U2AF2: variants seen among roughly 807,000 people sequenced by gnomAD.
U2AF2 encodes the protein splicing factor U2AF 65 kDa subunit.
Under a neutral mutation model 52.6 loss-of-function variants are expected in U2AF2, and 6 were observed. The ratio of observed to expected loss-of-function variants is 0.11; its 90% CI spans 0.06 to 0.23. U2AF2 has a LOEUF of 0.23. Among genes scored for constraint, U2AF2 ranks in the 10% least tolerant of loss-of-function variants. The probability of loss-of-function intolerance (pLI) is 1.00; values close to 1 mark genes in which losing one functional copy is unlikely to be tolerated. For synonymous variants in U2AF2, 284 were observed against 258.2 expected, an observed-to-expected ratio of 1.10 and a Z score of -0.96; for missense variants, 222 against 677.1, an observed-to-expected ratio of 0.33 and a Z score of 7.46.
At chr19:55,662,148 G>T in intron 5 of U2AF2, 1 of 195,876 alleles carries the variant, frequency 5.1e-6, no homozygotes, top group Non-Finnish European at 1.1e-5. Context: ...CATCTCTTGT[G>T]TTTCGTGTTT....
chr19:55,658,449 C>G (rs1264927395), intron 1 of U2AF2, among the ~76,000 whole-genome samples: 1 of 152,104 alleles, frequency 6.6e-6, no homozygotes, highest in African/African-American at 2.4e-5. Context: ...GTTGAGGGAG[C>G]CTGCTGGAGG....
In U2AF2 at chr19:55,669,665, C is replaced by T. The variant is rs61736527; in HGVS notation, c.1266C>T (p.Asp422=). The part of the protein sequence containing the change: ...VKSIEIPRPV[D]GVEVPGCGKI... ...CCATCGAGATCCCCCGGCCTGTGGA[C>T]GGCGTCGAGGTGCCCGGCTGCGGAA... Residue 422 remains aspartate, a synonymous_variant, in exon 11 of 12, where the codon GAC becomes GAT. Coordinates refer to ENST00000308924, the MANE Select transcript of U2AF2 (RefSeq NM_007279.3). The T allele has an allele frequency of 7.1e-3, 11,504 of 1,610,868 alleles. 713 individuals are homozygous for T. The African/African-American group carries it at 0.13, about 19-fold the overall frequency.
Position 55,668,601 on chromosome 19 carries a change from T to C in U2AF2, c.822+15T>C. On this transcript the variant is annotated intron_variant, in intron 8 of 11. Transcript: ENST00000308924. This position sits in a 1 kb window ranked among gnomAD's most constrained non-coding sequence, Gnocchi z 5.5. ...ACGATGACCAGGTAACTTCCCTGCC[T>C]CCCTCCAGACCCGTCCCCCCACCCC... 1 of 1,603,966 alleles carries C rather than the reference T, an allele frequency of 6.2e-7. No homozygotes were observed. The highest frequency in any genetic ancestry group is 1.1e-5 in the South Asian group (1 of 89,624).
chr19:55,669,916 T>C (rs932788169), intron 11 of U2AF2, among the ~76,000 whole-genome samples: 1 of 152,212 alleles, frequency 6.6e-6, no homozygotes, highest in African/African-American at 2.4e-5. Context: ...GAGGGGTTTG[T>C]GGCCCTGTGG....
chr19:55,656,474 C>T (rs1983803371), intron 1 of U2AF2, among the ~76,000 whole-genome samples: 1 of 151,966 alleles, frequency 6.6e-6, no homozygotes, highest in Admixed American at 6.5e-5. Flanking sequence ...CGTTTAGTAA[C>T]TGCTTTTAAT....
intron 7 of U2AF2, among the ~76,000 whole-genome samples, chr19:55,667,435 C>G (rs916865227): frequency 6.6e-6 from 1 of 152,096 alleles, no homozygotes; most frequent in Non-Finnish European, 1.5e-5. Flanking sequence ...TCTGACAGGA[C>G]GGCGTCAAGT....
intron 1 of U2AF2, among the ~76,000 whole-genome samples, chr19:55,657,774 G>C (rs144358779): frequency 6.6e-6 from 1 of 152,114 alleles, no homozygotes; most frequent in Non-Finnish European, 1.5e-5. Flanking sequence ...GTATGGCCTC[G>C]TGCTTAACTC....
At position 55,661,102 on chromosome 19, in the gene U2AF2, C is replaced by T. The variant is rs776054024; in HGVS notation, c.399C>T (p.Thr133=). 4 of 1,612,596 alleles carry T rather than the reference C, an allele frequency of 2.5e-6. No homozygotes were observed. Among genetic ancestry groups the T allele is most frequent in the East Asian group, 2.2e-5 (1 of 44,832 alleles). The change falls in exon 5 of 12, where the codon ACC becomes ACT. Residue 133 remains threonine (T), a synonymous_variant. Transcript: ENST00000308924. ...PTMTPDGLAV[T]PTPVPVVGSQ... ...TGACCCCTGACGGTCTGGCTGTGAC[C>T]CCAACGCCGGTGCCCGTGGTCGGGA...
In U2AF2 at chr19:55,655,156, G is replaced by A. The variant is rs776179350; in HGVS notation, c.49+3G>A. The A allele has an allele frequency of 6.2e-7, 1 of 1,602,954 alleles. No homozygotes were observed. The highest frequency in any genetic ancestry group is 1.1e-5 in the South Asian group (1 of 90,442). On this transcript the variant is annotated splice_donor_region_variant and intron_variant, in intron 1 of 11. Transcript: ENST00000308924. ...GCAGCTCAACGAGAATAAACAAGGT[G>A]AGGGCACCGGGGTCGCGGGGCGGAG...
intron 7 of U2AF2, among the ~76,000 whole-genome samples, chr19:55,666,905 C>G (rs1568553174): frequency 6.6e-6 from 1 of 152,200 alleles, no homozygotes; most frequent in South Asian, 2.1e-4. Flanking sequence ...TGGAGGCTGC[C>G]TTTTTCCTGC....
chr19:55,655,233 G>C, intron 1 of U2AF2, 80 bp downstream of exon 1: 1 of 1,493,900 alleles, frequency 6.7e-7, no homozygotes, highest in South Asian at 1.2e-5. Context: ...TTTCTCCCTC[G>C]CTTCCCCCCA....
At chr19:55,661,525 C>G (rs1404936899) in intron 5 of U2AF2, among the ~76,000 whole-genome samples, 2 of 141,850 alleles carry the variant, frequency 1.4e-5, no homozygotes, top group African/African-American at 5.3e-5. Flanking sequence ...CACACACACA[C>G]ACACACACAC....
chr19:55,660,138 C>T (rs1984074198), intron 2 of U2AF2, 39 bp from the exon 3 acceptor site: 3 of 1,584,656 alleles, frequency 1.9e-6, no homozygotes, highest in Admixed American at 1.8e-5. Context: ...CGAGGGTCCC[C>T]AGTCACCCCT....
intron 3 of U2AF2, 102 bp from the exon 4 acceptor site, chr19:55,660,414 G>A: frequency 9.0e-7 from 1 of 1,107,070 alleles, no homozygotes; most frequent in Non-Finnish European, 1.3e-6. Flanking sequence ...GAGCTTACAT[G>A]GTTGCGGGGA....
intron 1 of U2AF2, 108 bp downstream of exon 1, chr19:55,655,261 GC>G (rs1300798460): frequency 5.6e-6 from 7 of 1,261,260 alleles, no homozygotes; most frequent in South Asian, 1.3e-5. Flanking sequence ...GCCGCGCGGC[GC>G]CCCCCAACCC....
intron 11 of U2AF2, among the ~76,000 whole-genome samples, chr19:55,672,435 G>A (rs1984979181): frequency 6.6e-6 from 1 of 151,908 alleles, no homozygotes; most frequent in Non-Finnish European, 1.5e-5. Context: ...AACATTTTGG[G>A]TCAGATAACT....
At chr19:55,667,043 C>G (rs1016126198) in intron 7 of U2AF2, among the ~76,000 whole-genome samples, 13 of 152,134 alleles carry the variant, frequency 8.5e-5, no homozygotes, top group African/African-American at 3.1e-4. Context: ...GTTCCTGCTC[C>G]CGGGCTGCTG....
chr19:55,660,733 T>C, intron 4 of U2AF2, 114 bp downstream of exon 4: 1 of 1,055,506 alleles, frequency 9.5e-7, no homozygotes. Context: ...GGTAGAGGGT[T>C]GCACACCCCT....
In U2AF2 at chr19:55,655,087, C is replaced by A; in HGVS notation, c.-18C>A. 3 of 1,606,016 alleles carry A rather than the reference C, an allele frequency of 1.9e-6. No homozygotes were observed. The highest frequency in any genetic ancestry group is 1.7e-6 in the Non-Finnish European group (2 of 1,177,374). ...GGCGAGGCGAAAGCTGCACAGGGCC[C>A]TACGCGGCCGCCTCAGCATGTCGGA... On this transcript the variant is annotated 5_prime_UTR_variant, in exon 1 of 12. Coordinates refer to ENST00000308924, the MANE Select transcript of U2AF2 (RefSeq NM_007279.3).
Sources: allele counts gnomAD v4.1 joint callset (sites outside exome capture counted in the v4.1 genomes callset), GRCh38; gene constraint gnomAD v4.1.1; non-coding constraint Gnocchi (gnomAD v3.1); transcripts MANE v1.5; gene names NCBI Gene and HGNC (gene_info 2026-07-23, HGNC 2026-07-21).